Variants in ADAMTS14 observed in about 807,000 individuals in gnomAD.
The protein encoded by ADAMTS14 is ADAM metallopeptidase with thrombospondin type 1 motif 14, also known as A disintegrin and metalloproteinase with thrombospondin motifs 14.
Under a neutral mutation model 128.6 loss-of-function variants are expected in ADAMTS14, and 100 were observed. The observed-to-expected ratio is 0.78, with a 90% CI of 0.66 to 0.92. The LOEUF is 0.92. ADAMTS14 is among the 40% of genes least tolerant of loss of function. ADAMTS14 has a pLI of 0.00. For synonymous variants in ADAMTS14, 665 were observed against 653.8 expected (o/e 1.02, Z -0.26); for missense variants, 1,562 against 1,658.6 (o/e 0.94, Z 1.01).
At chr10:70,730,809 T>C (rs1045722031) in intron 6 of ADAMTS14, among the ~76,000 whole-genome samples, 4 of 152,100 alleles carry the variant, frequency 2.6e-5, no homozygotes, top group African/African-American at 9.7e-5. Flanking sequence ...TGACAGAGTA[T>C]TGACAATTGT....
chr10:70,693,525 T>A (rs1251036026), intron 2 of ADAMTS14, among the ~76,000 whole-genome samples: 1 of 152,162 alleles, frequency 6.6e-6, no homozygotes, highest in Non-Finnish European at 1.5e-5. Context: ...TTATGTATAT[T>A]GCTTTCTCAG....
At chr10:70,720,452 C>T (rs944322060) in intron 4 of ADAMTS14, among the ~76,000 whole-genome samples, 1 of 152,206 alleles carries the variant, frequency 6.6e-6, no homozygotes, top group Non-Finnish European at 1.5e-5. Context: ...ATCTGACCAT[C>T]ATGGAGCCTT....
intron 2 of ADAMTS14, among the ~76,000 whole-genome samples, chr10:70,694,854 C>T (rs1034437273): frequency 1.3e-5 from 2 of 152,166 alleles, no homozygotes; most frequent in Non-Finnish European, 2.9e-5. Flanking sequence ...CTTTTCTTTG[C>T]GTGGACATAT....
Position 70,705,574 on chromosome 10 carries a change from C to T in ADAMTS14, c.680-3014C>T, listed in dbSNP as rs979164417. Among the ~76,000 whole-genome samples, 4 of 152,250 alleles carry T rather than the reference C, an allele frequency of 2.6e-5. No individual in the cohort carries two copies. In the South Asian group the frequency reaches 6.2e-4, roughly 24 times the overall value. On this transcript the variant is annotated intron_variant, in intron 3 of 21. Transcript: ENST00000373207. ...CATCTAATTCCAGAAGATTCCCATCCGTTAGTTGTAGTCACTCCTGTTTCC... is the reference window on the plus strand; with the variant it reads ...CATCTAATTCCAGAAGATTCCCATCTGTTAGTTGTAGTCACTCCTGTTTCC...
chr10:70,693,943 C>T (rs1030927096), intron 2 of ADAMTS14, among the ~76,000 whole-genome samples: 1 of 152,212 alleles, frequency 6.6e-6, no homozygotes, highest in African/African-American at 2.4e-5. Flanking sequence ...CGTGGCAGAG[C>T]GTGCCAGTTG....
intron 12 of ADAMTS14, 103 bp downstream of exon 12, chr10:70,741,265 G>A: frequency 7.2e-7 from 1 of 1,390,240 alleles, no homozygotes; most frequent in South Asian, 1.4e-5. Context: ...CAGTGAAGGT[G>A]GAGGGACAGT....
chr10:70,726,183 T>G (rs925726965), intron 4 of ADAMTS14, among the ~76,000 whole-genome samples: 1 of 152,186 alleles, frequency 6.6e-6, no homozygotes, highest in Non-Finnish European at 1.5e-5. Flanking sequence ...TGTGATTCTA[T>G]CTCCTGCTCA....
rs748402816 is a variant in ADAMTS14, at chr10:70,691,406, G to A, written c.523-10906G>A. On this transcript the variant is annotated intron_variant, in intron 2 of 21. Transcript: ENST00000373207. ...CTCGGGAAACTGAGGCGGGAGAATC[G>A]CTTGAACCTGGGAGGCAGAGGTTGC... Among the ~76,000 whole-genome samples the A allele has an allele frequency of 7.3e-5, 10 of 136,926 alleles. 1 individual carries two copies. Among genetic ancestry groups the A allele is most frequent in the East Asian group, 6.5e-4 (3 of 4,616 alleles). The allele number at this position is 136,926 out of a possible 152,430, so 89.8% of individuals were successfully genotyped here.
At chr10:70,739,553 TTCTCCA>T (rs1360040327) in intron 11 of ADAMTS14, among the ~76,000 whole-genome samples, 1 of 151,976 alleles carries the variant, frequency 6.6e-6, no homozygotes, top group African/African-American at 2.4e-5. Context: ...TGAGCCCTAG[TTCTCCA>T]TCTCCATCTC....
Position 70,734,024 on chromosome 10 carries a change from C to T in ADAMTS14, c.1348C>T (p.Leu450Phe), listed in dbSNP as rs1377226540. 1.2e-6 allele frequency: 2 copies of T among 1,612,456 alleles called. No homozygotes were observed. The highest frequency in any genetic ancestry group is 2.2e-5 in the East Asian group (1 of 44,866). The change falls in exon 8 of 22, where the codon CTC (leucine) becomes TTC (phenylalanine). Residue 450 changes from leucine to phenylalanine, a missense_variant. Transcript: ENST00000373207. The part of the protein sequence containing the change: ...RCSKLELSRY[L>F]PSYDCLLDDP... Reference sequence around the variant, plus strand: ...CAGCAAGCTGGAGCTCAGCCGCTACCTCCCGTAGGTCATTCCTGCCCTCAG... The same window carrying T: ...CAGCAAGCTGGAGCTCAGCCGCTACTTCCCGTAGGTCATTCCTGCCCTCAG...
At position 70,736,717 on chromosome 10, in the gene ADAMTS14, G is replaced by T; in HGVS notation, c.1523G>T (p.Ser508Ile). The T allele has an allele frequency of 6.2e-7, 1 of 1,613,928 alleles. No individual in the cohort carries two copies. Among genetic ancestry groups the T allele is most frequent in the Non-Finnish European group, 8.5e-7 (1 of 1,179,890 alleles). The change falls in exon 10 of 22, where the codon AGC (serine) becomes ATC (isoleucine). Residue 508 changes from serine to isoleucine, a missense_variant. By Grantham distance (142) the Ser-to-Ile change is moderately radical. Transcript: ENST00000373207. ...GAGCCCTGCAAGCAGCTGTGGTGCA[G>T]CCATCCTGACAACCCGTACTTCTGC... Reference protein sequence around the residue: ...TFEPCKQLWCSHPDNPYFCKT... With the variant: ...TFEPCKQLWCIHPDNPYFCKT...
At chr10:70,748,582 C>A (rs543555054) in intron 15 of ADAMTS14, among the ~76,000 whole-genome samples, 105 of 152,342 alleles carry the variant, frequency 6.9e-4, no homozygotes, top group African/African-American at 2.4e-3. Context: ...TGGGCTCTGG[C>A]CCAGCTCCAA....
chr10:70,709,593 C>T (rs921197583), intron 4 of ADAMTS14, among the ~76,000 whole-genome samples: 6 of 147,840 alleles, frequency 4.1e-5, no homozygotes, highest in South Asian at 4.4e-4. Flanking sequence ...CTCCATCTCC[C>T]GGGTTCACGC....
chr10:70,688,931 T>C (rs148377480), intron 2 of ADAMTS14, among the ~76,000 whole-genome samples: 35 of 133,222 alleles, frequency 2.6e-4, no homozygotes, highest in African/African-American at 9.6e-4. Flanking sequence ...GCCAGCCACA[T>C]ATTTACACCT....
At position 70,751,466 on chromosome 10, in the gene ADAMTS14, A is replaced by G; in HGVS notation, c.2428-12A>G. ...TTCTCTGGTCCTGTGCCAGCTCCCCATCTCCCCTCAGGCTCTCCCCCCAAC... is the reference window on the plus strand; with the variant it reads ...TTCTCTGGTCCTGTGCCAGCTCCCCGTCTCCCCTCAGGCTCTCCCCCCAAC... On this transcript the variant is annotated splice_polypyrimidine_tract_variant and intron_variant, in intron 16 of 21. Transcript: ENST00000373207. 2 of 1,593,886 alleles carry G rather than the reference A, an allele frequency of 1.3e-6. No individual in the cohort carries two copies. The highest frequency in any genetic ancestry group is 1.7e-6 in the Non-Finnish European group (2 of 1,163,814).
intron 4 of ADAMTS14, among the ~76,000 whole-genome samples, chr10:70,720,706 T>G (rs1841229627): frequency 6.6e-6 from 1 of 152,204 alleles, no homozygotes; most frequent in African/African-American, 2.4e-5. Flanking sequence ...CCCACACACA[T>G]GCACATGCGT....
chr10:70,697,401 G>T (rs907987967), intron 2 of ADAMTS14, among the ~76,000 whole-genome samples: 1 of 152,228 alleles, frequency 6.6e-6, no homozygotes, highest in Non-Finnish European at 1.5e-5. Flanking sequence ...CCAGGTCCTT[G>T]CTCATTGTCT....
chr10:70,743,874 C>G (rs911421726), intron 13 of ADAMTS14, among the ~76,000 whole-genome samples, 192 bp from the exon 14 acceptor site: 12 of 152,180 alleles, frequency 7.9e-5, no homozygotes, highest in African/African-American at 2.9e-4. Flanking sequence ...GAGGAGATGG[C>G]AAGAATCCTC....
At position 70,744,080 on chromosome 10, in the gene ADAMTS14, C is replaced by A. The variant is rs1229977868; in HGVS notation, c.2073C>A (p.Asp691Glu). The change falls in exon 14 of 22, where the codon GAC (aspartate) becomes GAA (glutamate). Residue 691 changes from aspartate to glutamate, a missense_variant. Asp to Glu is a conservative substitution (Grantham distance 45). Transcript: ENST00000373207. ...TCTGGCCTCAGCCTGTCGGCTGTGA[C>A]AAGGAGGTGGGGTCCATGAAGGCGG... ...ARGECVPVGC[D>E]KEVGSMKADD... is the part of the protein sequence containing the mutation. 6.4e-7 allele frequency: 1 copy of A among 1,564,324 alleles called. No homozygotes were observed. The highest frequency in any genetic ancestry group is 8.7e-7 in the Non-Finnish European group (1 of 1,154,526).
Sources: gnomAD v4.1 joint callset for allele counts (sites outside exome capture counted in the v4.1 genomes callset) on GRCh38, gnomAD v4.1.1 for gene constraint, MANE v1.5 for transcripts, NCBI Gene and HGNC (gene_info 2026-07-23, HGNC 2026-07-21) for gene names.